ENPP3: variants seen among roughly 807,000 people sequenced by gnomAD.
The protein encoded by ENPP3 is ectonucleotide pyrophosphatase/phosphodiesterase family member 3.
ENPP3 carries 104 observed loss-of-function variants against 117.8 expected under a neutral mutation model. That is an observed-to-expected ratio of 0.88 (90% CI 0.75 to 1.04). ENPP3 has a LOEUF of 1.04. ENPP3 is among the 50% of genes least tolerant of loss of function. The pLI, the probability that ENPP3 is intolerant of heterozygous loss-of-function variation, is 0.00. For missense variants in ENPP3, 1,026 were observed against 1,051.9 expected (o/e 0.98, Z 0.34); for synonymous variants, 380 against 349.9 (o/e 1.09, Z -0.96).
chr6:131,676,632 A>G, intron 9 of ENPP3, 104 bp from the exon 10 acceptor site: 2 of 751,838 alleles, frequency 2.7e-6, no homozygotes, highest in South Asian at 3.2e-5. Context: ...ATATAGGAAC[A>G]CAAAATGGGT....
chr6:131,727,502 C>T (rs1365343978), intron 20 of ENPP3, among the ~76,000 whole-genome samples: 1 of 143,600 alleles, frequency 7.0e-6, no homozygotes, highest in African/African-American at 2.7e-5. Flanking sequence ...TTGCAGTGAG[C>T]CAAGATCGCG....
At chr6:131,703,161 C>A (rs1779575812) in intron 15 of ENPP3, among the ~76,000 whole-genome samples, 1 of 133,396 alleles carries the variant, frequency 7.5e-6, no homozygotes, top group African/African-American at 3.3e-5. Context: ...AATCTAAGCA[C>A]TTTGGGAGGC....
chr6:131,649,722 A>G (rs1778222339), intron 2 of ENPP3, among the ~76,000 whole-genome samples: 1 of 152,036 alleles, frequency 6.6e-6, no homozygotes, highest in South Asian at 2.1e-4. Flanking sequence ...CACCTGGTTA[A>G]GTTTTGTATT....
chr6:131,680,831 C>G (rs148880735), intron 11 of ENPP3, among the ~76,000 whole-genome samples: 1 of 152,156 alleles, frequency 6.6e-6, no homozygotes, highest in African/African-American at 2.4e-5. Context: ...GAGTTGGGAA[C>G]TGGCATTTCA....
intron 23 of ENPP3, among the ~76,000 whole-genome samples, chr6:131,738,517 G>A (rs1399034213): frequency 6.7e-6 from 1 of 148,260 alleles, no homozygotes; most frequent in African/African-American, 2.5e-5. Flanking sequence ...AAAAAAAGTC[G>A]AGTAAAGGCT....
intron 15 of ENPP3, chr6:131,701,050 A>G: frequency 1.9e-6 from 1 of 538,648 alleles, no homozygotes; most frequent in South Asian, 2.0e-5. Flanking sequence ...AGATCATAGG[A>G]CATCACCACC....
intron 20 of ENPP3, among the ~76,000 whole-genome samples, chr6:131,729,993 C>T (rs544200682): frequency 6.6e-6 from 1 of 152,178 alleles, no homozygotes; most frequent in East Asian, 1.9e-4. Context: ...ACTTTTACAG[C>T]CACAGCCTCA....
At chr6:131,736,400 A>AAG (rs1585736022) in intron 21 of ENPP3, among the ~76,000 whole-genome samples, 2 of 152,320 alleles carry the variant, frequency 1.3e-5, no homozygotes, top group East Asian at 3.9e-4. Context: ...GAGCAAAGAG[A>AAG]TATCTTACAT....
At chr6:131,742,760 T>G (rs1780554374) in intron 24 of ENPP3, among the ~76,000 whole-genome samples, 1 of 152,204 alleles carries the variant, frequency 6.6e-6, no homozygotes. Context: ...TGAGTTTGCT[T>G]ACCTCATCAC....
chr6:131,725,941 A>G, intron 19 of ENPP3, 105 bp from the exon 20 acceptor site: 1 of 643,362 alleles, frequency 1.6e-6, no homozygotes, highest in Non-Finnish European at 2.7e-6. Flanking sequence ...CTTGTCATAT[A>G]ATAAGCCATA....
In ENPP3 at chr6:131,723,184, C is replaced by T. The variant is rs374363775; in HGVS notation, c.1746+779C>T. Among the ~76,000 whole-genome samples, 5 of 152,286 alleles carry T rather than the reference C, an allele frequency of 3.3e-5. No homozygotes were observed. The South Asian group carries it at 6.2e-4, about 19-fold the overall frequency. ...GTGTTTGTAGAACTAAATAAAAACA[C>T]CTGCTGCCTCAGGTAAGAATTTTTC... On this transcript the variant is annotated intron_variant, in intron 18 of 24. Transcript: ENST00000357639.
chr6:131,652,172 T>C (rs1419042200), intron 3 of ENPP3, among the ~76,000 whole-genome samples: 1 of 152,234 alleles, frequency 6.6e-6, no homozygotes, highest in Non-Finnish European at 1.5e-5. Flanking sequence ...TCCTTGCTGC[T>C]TGTCCTTAGA....
At chr6:131,652,810 T>A in intron 4 of ENPP3, 21 bp from the exon 5 acceptor site, 1 of 1,610,524 alleles carries the variant, frequency 6.2e-7, no homozygotes, top group Non-Finnish European at 8.5e-7. Flanking sequence ...AGTATCAAGA[T>A]TTTGATCTTA....
At chr6:131,672,731 CAATT>C (rs1166660937) in intron 7 of ENPP3, among the ~76,000 whole-genome samples, 6 of 151,036 alleles carry the variant, frequency 4.0e-5, no homozygotes, top group African/African-American at 1.5e-4. Flanking sequence ...TGCACAAATG[CAATT>C]AATTTACTAT....
At chr6:131,738,192 A>G (rs772883436) in intron 23 of ENPP3, 29 bp downstream of exon 23, 8 of 1,587,870 alleles carry the variant, frequency 5.0e-6, no homozygotes, top group African/African-American at 2.7e-5. Context: ...TGATTTATCA[A>G]TAGGGTCTCA....
intron 1 of ENPP3, among the ~76,000 whole-genome samples, chr6:131,640,181 G>A (rs955194933): frequency 2.0e-5 from 3 of 152,184 alleles, no homozygotes; most frequent in African/African-American, 4.8e-5. Flanking sequence ...CAGATAAGGT[G>A]TAAACCAAAA....
intron 6 of ENPP3, among the ~76,000 whole-genome samples, chr6:131,659,383 A>G (rs1309193194): frequency 6.6e-6 from 1 of 152,196 alleles, no homozygotes; most frequent in Non-Finnish European, 1.5e-5. Flanking sequence ...TCCAAGGCGC[A>G]CACTCTTCAC....
Position 131,658,382 on chromosome 6 carries a change from A to G in ENPP3, c.524A>G (p.Tyr175Cys). The change falls in exon 6 of 25, where the codon TAC becomes TGC. Residue 175 changes from tyrosine (Y) to cysteine (C), a missense_variant. Physicochemically the swap from Tyr to Cys is radical, Grantham distance 194. Coordinates refer to ENST00000357639, the MANE Select transcript of ENPP3 (RefSeq NM_005021.5). ...GATGGATTTAGAGCTGAATATTTAT[A>G]CACATGGGATACTTTAATGCCAAAT... ...SMDGFRAEYL[Y>C]TWDTLMPNIN... The G allele has an allele frequency of 6.2e-7, 1 of 1,603,342 alleles. No homozygotes were observed. Among genetic ancestry groups the G allele is most frequent in the Non-Finnish European group, 8.5e-7 (1 of 1,170,324 alleles).
chr6:131,697,704 T>C (rs1177583553), intron 15 of ENPP3, among the ~76,000 whole-genome samples: 1 of 152,080 alleles, frequency 6.6e-6, no homozygotes, highest in Non-Finnish European at 1.5e-5. Flanking sequence ...TTCACCCTCC[T>C]ATGAGAATCT....
Sources: allele counts gnomAD v4.1 joint callset (sites outside exome capture counted in the v4.1 genomes callset), GRCh38; gene constraint gnomAD v4.1.1; transcripts MANE v1.5; gene names NCBI Gene and HGNC (gene_info 2026-07-23, HGNC 2026-07-21).